Variants in TMCO4 observed in about 807,000 individuals in gnomAD.
The protein encoded by TMCO4 is transmembrane and coiled-coil domain-containing protein 4.
Under a neutral mutation model 64.7 loss-of-function variants are expected in TMCO4, and 58 were observed. The ratio of observed to expected loss-of-function variants is 0.90; its 90% CI spans 0.73 to 1.12. TMCO4 has a LOEUF of 1.12. TMCO4 is among the 50% of genes most tolerant of loss of function. The pLI, the probability that TMCO4 is intolerant of heterozygous loss-of-function variation, is 0.00. For synonymous variants in TMCO4, 325 were observed against 346.1 expected, an observed-to-expected ratio of 0.94 and a Z score of 0.68; for missense variants, 780 against 825.9, an observed-to-expected ratio of 0.94 and a Z score of 0.68.
At chr1:19,790,011 C>A (rs115722808) in intron 2 of TMCO4, among the ~76,000 whole-genome samples, 3,423 of 149,836 alleles carry the variant, frequency 0.023, 137 homozygotes, top group African/African-American at 0.08. Flanking sequence ...TGAGATCCTG[C>A]CACTGGACTC....
At chr1:19,707,189 A>C (rs545872009) in intron 13 of TMCO4, among the ~76,000 whole-genome samples, 4 of 152,304 alleles carry the variant, frequency 2.6e-5, no homozygotes, top group African/African-American at 9.6e-5. Context: ...TGTCCCCTCC[A>C]GATTTCATGC....
intron 13 of TMCO4, among the ~76,000 whole-genome samples, chr1:19,710,027 C>T (rs573595687): frequency 6.6e-6 from 1 of 151,982 alleles, no homozygotes; most frequent in East Asian, 1.9e-4. Flanking sequence ...GTGTTCTGCC[C>T]GCTTCAGCCT....
chr1:19,736,874 A>G (rs892482619), intron 13 of TMCO4, among the ~76,000 whole-genome samples: 6 of 152,170 alleles, frequency 3.9e-5, no homozygotes, highest in Admixed American at 3.3e-4. Flanking sequence ...TGATCTTGAC[A>G]TGGGATCACC....
intron 13 of TMCO4, among the ~76,000 whole-genome samples, chr1:19,714,436 G>C (rs2095346152): frequency 6.6e-6 from 1 of 151,936 alleles, no homozygotes; most frequent in East Asian, 1.9e-4. Flanking sequence ...CATACTTAGC[G>C]GGTGGGGAGG....
At chr1:19,751,964 C>T (rs1203475242) in intron 7 of TMCO4, among the ~76,000 whole-genome samples, 3 of 151,480 alleles carry the variant, frequency 2.0e-5, no homozygotes, top group Admixed American at 6.6e-5. Context: ...AGGAGAATGG[C>T]GTGAACCCAG....
intron 7 of TMCO4, among the ~76,000 whole-genome samples, 184 bp from the exon 8 acceptor site, chr1:19,747,444 C>T (rs556180976): frequency 2.0e-5 from 3 of 152,180 alleles, no homozygotes; most frequent in Non-Finnish European, 2.9e-5. Flanking sequence ...AAAACCCAGC[C>T]GGGGAATCTC....
chr1:19,787,690 C>G (rs1459680856), intron 2 of TMCO4, among the ~76,000 whole-genome samples: 2 of 152,212 alleles, frequency 1.3e-5, no homozygotes, highest in Non-Finnish European at 2.9e-5. Flanking sequence ...ACCGCAACTT[C>G]AAACCAAAAC....
intron 2 of TMCO4, among the ~76,000 whole-genome samples, chr1:19,788,601 T>C (rs1235420574): frequency 6.6e-6 from 1 of 152,144 alleles, no homozygotes; most frequent in Non-Finnish European, 1.5e-5. Flanking sequence ...CTGGTGACAA[T>C]CCGTTTTGTG....
rs1229277925 is a variant in TMCO4 at position 19,682,591 on chromosome 1, C to T, written c.*449G>A. 7.0e-6 allele frequency: 5 copies of T among 717,218 alleles called. No homozygotes were observed. The allele number at this position is 717,218 out of a possible 1,614,324, so 44.4% of individuals were successfully genotyped here. On this transcript the variant is annotated 3_prime_UTR_variant, in exon 16 of 16. Transcript: ENST00000294543. ...TGGTGCCTGTCAGCTGGTGGGCAGC[C>T]CTGGAGTGTGGATGGAAGAACAGGC...
intron 4 of TMCO4, among the ~76,000 whole-genome samples, chr1:19,776,400 G>T (rs1371673331): frequency 6.6e-6 from 1 of 152,174 alleles, no homozygotes; most frequent in Admixed American, 6.5e-5. Context: ...ACACAGGACA[G>T]TAACTCGCTG....
intron 2 of TMCO4, among the ~76,000 whole-genome samples, chr1:19,797,056 C>T (rs2044342609): frequency 6.6e-6 from 1 of 152,124 alleles, no homozygotes; most frequent in Non-Finnish European, 1.5e-5. Flanking sequence ...TGAAACAACC[C>T]ACAACTGAAA....
chr1:19,762,395 G>A (rs577937151), intron 6 of TMCO4, among the ~76,000 whole-genome samples: 15 of 152,264 alleles, frequency 9.9e-5, no homozygotes, highest in Admixed American at 9.8e-4. Flanking sequence ...GGGCAGAAGT[G>A]TGCCAGACAC....
rs1461929417 is a variant in TMCO4, at chr1:19,683,057, TG to T, written c.1887del (p.Ser630AlafsTer51). The T allele has an allele frequency of 6.3e-7, 1 of 1,592,184 alleles. No individual in the cohort carries two copies. The highest frequency in any genetic ancestry group is 2.2e-5 in the East Asian group (1 of 44,770). The stretch of plus-strand genomic sequence containing the variant: ...TGCTGTGGTCAGTCCAGCCCCGTGC[TG>T]GGGCCCTGGGTCTTGCAGGCACAAT... ...CPDCACKTQGPSTGLD is the reference protein window; with the variant it reads ...CPDCACKTQGXSTGLD On this transcript the variant is annotated frameshift_variant, in exon 16 of 16. Transcript: ENST00000294543. LOFTEE classifies it high-confidence loss of function.
intron 2 of TMCO4, among the ~76,000 whole-genome samples, chr1:19,796,911 T>G (rs2044336406): frequency 6.6e-6 from 1 of 152,042 alleles, no homozygotes; most frequent in Non-Finnish European, 1.5e-5. Flanking sequence ...CACCTGACAA[T>G]GTATTATAGG....
chr1:19,706,358 C>G (rs965552610), intron 13 of TMCO4, among the ~76,000 whole-genome samples: 1 of 152,184 alleles, frequency 6.6e-6, no homozygotes, highest in Non-Finnish European at 1.5e-5. Context: ...TATGAGAAGA[C>G]CTCACTGCCC....
intron 8 of TMCO4, 23 bp from the exon 9 acceptor site, chr1:19,746,622 A>G (rs1220884298): frequency 3.1e-6 from 5 of 1,590,428 alleles, no homozygotes; most frequent in Non-Finnish European, 2.6e-6. Flanking sequence ...CAGCAGTTTC[A>G]GGTGGGAGTA....
intron 10 of TMCO4, among the ~76,000 whole-genome samples, chr1:19,742,254 C>T (rs1056369833): frequency 1.3e-5 from 2 of 152,140 alleles, no homozygotes; most frequent in South Asian, 2.1e-4. Context: ...TGCAATTATT[C>T]GCTATTTATG....
At chr1:19,716,381 C>CTTTTTTTTT (rs1262772167) in intron 13 of TMCO4, among the ~76,000 whole-genome samples, 23 of 124,470 alleles carry the variant, frequency 1.8e-4, no homozygotes, top group African/African-American at 3.4e-4. Context: ...TTTTTTCTTT[C>CTTTTTTTTT]TTTTTTTTTT....
chr1:19,718,504 T>G lies in TMCO4; in HGVS notation c.1265-17619A>C, dbSNP rs547777701. On this transcript the variant is annotated intron_variant, in intron 13 of 15. Coordinates refer to ENST00000294543, the MANE Select transcript of TMCO4 (RefSeq NM_181719.7). ...CCTGTTTCTACAAAAAATTAAAAAA[T>G]TAGCCAGGTGTGGTGGCATGCGCCT... Among the ~76,000 whole-genome samples, 8 of 151,144 alleles carry G rather than the reference T, an allele frequency of 5.3e-5. No homozygotes were observed. The South Asian group carries it at 1.7e-3, about 32-fold the overall frequency.
Sources: allele counts gnomAD v4.1 joint callset (sites outside exome capture counted in the v4.1 genomes callset), GRCh38; gene constraint gnomAD v4.1.1; transcripts MANE v1.5; gene names NCBI Gene and HGNC (gene_info 2026-07-23, HGNC 2026-07-21).